Variants in TNIK observed in about 807,000 individuals in gnomAD.
The protein encoded by TNIK is TRAF2 and NCK-interacting protein kinase.
TNIK carries 49 observed loss-of-function variants against 191.3 expected under a neutral mutation model. The observed-to-expected ratio is 0.26, with a 90% CI of 0.20 to 0.32. The LOEUF is 0.32. Among genes scored for constraint, TNIK ranks in the 10% least tolerant of loss-of-function variants. The pLI is 1.00. For synonymous variants in TNIK, 594 were observed against 600.9 expected (o/e 0.99, Z 0.17); for missense variants, 1,155 against 1,702.3 (o/e 0.68, Z 5.66).
At chr3:171,454,561 A>C (rs1728580942) in intron 1 of TNIK, among the ~76,000 whole-genome samples, 1 of 152,220 alleles carries the variant, frequency 6.6e-6, no homozygotes, top group South Asian at 2.1e-4. Flanking sequence ...AATGAAAATG[A>C]TTATGCATAT....
chr3:171,232,196 A>G (rs1413683691), intron 2 of TNIK, among the ~76,000 whole-genome samples: 1 of 152,074 alleles, frequency 6.6e-6, no homozygotes, highest in Non-Finnish European at 1.5e-5. Context: ...TCTAAAATAC[A>G]TGTTTCAAGC....
At chr3:171,243,510 A>T (rs1745229339) in intron 2 of TNIK, among the ~76,000 whole-genome samples, 1 of 152,058 alleles carries the variant, frequency 6.6e-6, no homozygotes, top group Admixed American at 6.6e-5. Flanking sequence ...ATTGTTTTCT[A>T]TAAAAGTGGC....
At chr3:171,389,626 A>C (rs1014455572) in intron 1 of TNIK, among the ~76,000 whole-genome samples, 3 of 152,278 alleles carry the variant, frequency 2.0e-5, no homozygotes, top group Admixed American at 2.0e-4. Context: ...AACGGAACAT[A>C]GAGTAGCCTG....
intron 2 of TNIK, among the ~76,000 whole-genome samples, chr3:171,304,662 A>G (rs1264236652): frequency 1.3e-5 from 2 of 152,202 alleles, no homozygotes; most frequent in African/African-American, 2.4e-5. Flanking sequence ...CATATACACC[A>G]TGGAATACTA....
chr3:171,075,226 G>A (rs1271489055), intron 28 of TNIK, among the ~76,000 whole-genome samples: 1 of 152,178 alleles, frequency 6.6e-6, no homozygotes, highest in African/African-American at 2.4e-5. Context: ...CAAATGCCAA[G>A]TAATAAAGGC....
At chr3:171,361,370 C>T (rs1172770203) in intron 2 of TNIK, among the ~76,000 whole-genome samples, 18 of 152,200 alleles carry the variant, frequency 1.2e-4, no homozygotes, top group Admixed American at 1.2e-3. Context: ...GGTTCAACTA[C>T]CTAGTAGAGC....
intron 29 of TNIK, among the ~76,000 whole-genome samples, chr3:171,069,256 T>A (rs1718878979): frequency 6.6e-6 from 1 of 152,154 alleles, no homozygotes; most frequent in South Asian, 2.1e-4. Flanking sequence ...TTGATAGTGG[T>A]AATGTATATT....
At chr3:171,194,363 A>G (rs1441941343) in intron 5 of TNIK, among the ~76,000 whole-genome samples, 162 bp downstream of exon 5, 10 of 152,154 alleles carry the variant, frequency 6.6e-5, no homozygotes, top group Non-Finnish European at 1.5e-5. Flanking sequence ...ACACCAAACT[A>G]CCACTACCAC....
At chr3:171,207,436 C>G (rs1740237516) in intron 4 of TNIK, among the ~76,000 whole-genome samples, 1 of 151,988 alleles carries the variant, frequency 6.6e-6, no homozygotes, top group Non-Finnish European at 1.5e-5. Context: ...TGGGCTCAAG[C>G]AACCCTCCCA....
intron 29 of TNIK, among the ~76,000 whole-genome samples, chr3:171,069,518 C>T (rs1411191390): frequency 1.3e-5 from 2 of 152,152 alleles, no homozygotes; most frequent in Non-Finnish European, 2.9e-5. Flanking sequence ...AAGATTGGCA[C>T]TTTCTCTTAA....
intron 1 of TNIK, among the ~76,000 whole-genome samples, chr3:171,451,818 T>C (rs2108730215): frequency 6.6e-6 from 1 of 152,268 alleles, no homozygotes; most frequent in East Asian, 1.9e-4. Context: ...AATGAATATA[T>C]ACACAAACAA....
At chr3:171,375,090 T>C (rs1271606247) in intron 1 of TNIK, among the ~76,000 whole-genome samples, 1 of 152,222 alleles carries the variant, frequency 6.6e-6, no homozygotes, top group East Asian at 1.9e-4. Context: ...CTTGAGCCAG[T>C]TTCAGAACTG....
Position 171,361,324 on chromosome 3 carries a change from A to T in TNIK, c.123+8296T>A, listed in dbSNP as rs80006031. On this transcript the variant is annotated intron_variant, in intron 2 of 32. Transcript: ENST00000436636. ...CACTAGTAGCAATAAGAAATCCCACACAGTCCCTGTATCAAGTTTTGGTAG... is the reference window on the plus strand; with the variant it reads ...CACTAGTAGCAATAAGAAATCCCACTCAGTCCCTGTATCAAGTTTTGGTAG... 3.2e-3 allele frequency among the ~76,000 whole-genome samples: 495 copies of T among 152,332 alleles called. 3 individuals carry two copies. The highest frequency in any genetic ancestry group is 0.01 in the African/African-American group (433 of 41,576).
At chr3:171,297,898 G>A (rs998536543) in intron 2 of TNIK, among the ~76,000 whole-genome samples, 2 of 152,158 alleles carry the variant, frequency 1.3e-5, no homozygotes, top group East Asian at 1.9e-4. Context: ...TCTAAAGAGT[G>A]GCAATTAAAT....
At chr3:171,393,803 T>A (rs541112159) in intron 1 of TNIK, among the ~76,000 whole-genome samples, 1 of 151,184 alleles carries the variant, frequency 6.6e-6, no homozygotes, top group Admixed American at 6.6e-5. Flanking sequence ...TTATCAGGTA[T>A]TTATTCTATT....
chr3:171,454,816 C>T (rs1728602720), intron 1 of TNIK, among the ~76,000 whole-genome samples: 1 of 152,038 alleles, frequency 6.6e-6, no homozygotes, highest in Non-Finnish European at 1.5e-5. Context: ...TTCTTTGAGC[C>T]CCATGAGACC....
intron 2 of TNIK, among the ~76,000 whole-genome samples, chr3:171,320,976 C>T (rs966733472): frequency 5.3e-5 from 8 of 152,148 alleles, no homozygotes; most frequent in African/African-American, 1.9e-4. Flanking sequence ...CAACCTTAGG[C>T]CTTTGCAACG....
intron 1 of TNIK, among the ~76,000 whole-genome samples, chr3:171,410,548 G>A (rs1379719854): frequency 6.6e-6 from 1 of 152,082 alleles, no homozygotes; most frequent in African/African-American, 2.4e-5. Context: ...GGGAGGCGGA[G>A]GCGGGCGGAT....
intron 1 of TNIK, among the ~76,000 whole-genome samples, chr3:171,422,730 T>TA (rs1310490294): frequency 6.6e-6 from 1 of 152,200 alleles, no homozygotes; most frequent in East Asian, 1.9e-4. Context: ...AAAACTGTGT[T>TA]AAAAACAAAT....
Sources: allele counts gnomAD v4.1 joint callset (sites outside exome capture counted in the v4.1 genomes callset), GRCh38; gene constraint gnomAD v4.1.1; transcripts MANE v1.5; gene names NCBI Gene and HGNC (gene_info 2026-07-23, HGNC 2026-07-21).